The following KRT35 variants were observed in gnomAD, a reference collection of about 807,000 sequenced individuals.
KRT35 encodes keratin 35, also known as keratin, type I cuticular Ha5.
In KRT35, 33 loss-of-function variants were observed where a neutral mutation model predicts 42.2. The ratio of observed to expected loss-of-function variants is 0.78; its 90% CI spans 0.59 to 1.05. The LOEUF is 1.05. KRT35 is among the 50% of genes least tolerant of loss of function. The pLI is 0.00. For missense variants in KRT35, 585 were observed against 589.2 expected (o/e 0.99, Z 0.07); for synonymous variants, 218 against 238.2 (o/e 0.92, Z 0.78).
chr17:41,479,084 AC>A, intron 3 of KRT35, 89 bp from the exon 4 acceptor site: 1 of 1,331,526 alleles, frequency 7.5e-7, no homozygotes, highest in Non-Finnish European at 1.0e-6. Context: ...CCCCATGCTC[AC>A]CCCTCCTAAT....
chr17:41,480,145 C>T (rs531869920), intron 1 of KRT35, among the ~76,000 whole-genome samples: 1 of 152,172 alleles, frequency 6.6e-6, no homozygotes, highest in East Asian at 1.9e-4. Context: ...CATAAATGGT[C>T]CCTCACAGGA....
Position 41,480,920 on chromosome 17 carries a change from TGCTTCTGCCCAGACCCACTGAG to T in KRT35, c.156_177del (p.Cys52Ter). On this transcript the variant is annotated frameshift_variant, in exon 1 of 7. Coordinates refer to ENST00000246639, the MANE Select transcript of KRT35 (RefSeq NM_002280.6). LOFTEE classifies it high-confidence loss of function. ...GGGAGGCAGCTGGTGGCCCTGTAGCTGCTTCTGCCCAGACCCACTGAGCAGGCAGAGAAACTTCTGGCCACAG... is the reference window on the plus strand; with the variant it reads ...GGGAGGCAGCTGGTGGCCCTGTAGCTCAGGCAGAGAAACTTCTGGCCACAG... 6.2e-7 allele frequency: 1 copy of T among 1,614,200 alleles called. No individual in the cohort carries two copies. Among genetic ancestry groups the T allele is most frequent in the Non-Finnish European group, 8.5e-7 (1 of 1,180,036 alleles).
Position 41,477,544 on chromosome 17 carries a change from C to T in KRT35, c.1194G>A (p.Arg398=), listed in dbSNP as rs1441518861. The T allele has an allele frequency of 1.2e-6, 2 of 1,613,558 alleles. No individual in the cohort carries two copies. Among genetic ancestry groups the T allele is most frequent in the African/African-American group, 2.7e-5 (2 of 74,910 alleles). The change falls in exon 6 of 7, where the codon CGG becomes CGA. Residue 398 remains arginine, a synonymous_variant. Coordinates refer to ENST00000246639, the MANE Select transcript of KRT35 (RefSeq NM_002280.6). ...TGCTGTCCTCACTCTCCAGCAGGCCCCGGTACGTGTTGATCTCACACTCCA... is the reference window on the plus strand; with the variant it reads ...TGCTGTCCTCACTCTCCAGCAGGCCTCGGTACGTGTTGATCTCACACTCCA... The part of the protein sequence containing the change: ...ARLECEINTY[R]GLLESEDSKL...
At chr17:41,478,019 G>GATCTAATT (rs2019202655) in intron 5 of KRT35, among the ~76,000 whole-genome samples, 1 of 152,218 alleles carries the variant, frequency 6.6e-6, no homozygotes, top group African/African-American at 2.4e-5. Context: ...CATCTCACTT[G>GATCTAATT]AGATGAGCTA....
At chr17:41,479,601 A>C (rs2019227328) in intron 2 of KRT35, 98 bp from the exon 3 acceptor site, 1 of 1,564,878 alleles carries the variant, frequency 6.4e-7, no homozygotes, top group African/African-American at 1.3e-5. Flanking sequence ...TCCTGCTTTT[A>C]TGCCCCAATG....
In KRT35 at chr17:41,479,471, AC is replaced by A; in HGVS notation, c.586del (p.Val196TrpfsTer15). ...GCGCAGGCCGTTGATGTCTGACTCC[AC>A]CAGCTGCCGCAGGGACACCTCCGTC... ...YETEVSLRQL[V>X]ESDINGLRRI... On this transcript the variant is annotated frameshift_variant, in exon 3 of 7. Transcript: ENST00000246639. LOFTEE classifies it high-confidence loss of function. 1 of 1,614,118 alleles carries A rather than the reference AC, an allele frequency of 6.2e-7. No individual in the cohort carries two copies. The highest frequency in any genetic ancestry group is 8.5e-7 in the Non-Finnish European group (1 of 1,180,020).
At position 41,477,565 on chromosome 17, in the gene KRT35, C is replaced by T; in HGVS notation, c.1173G>A (p.Glu391=). 1.2e-6 allele frequency: 2 copies of T among 1,613,614 alleles called. No homozygotes were observed. Among genetic ancestry groups the T allele is most frequent in the Non-Finnish European group, 1.7e-6 (2 of 1,179,924 alleles). ...QVLLDVRARL[E]CEINTYRGLL... ...GGCCCCGGTACGTGTTGATCTCACA[C>T]TCCAGCCGGGCCCGGACGTCCAGCA... Residue 391 remains glutamate (E), a synonymous_variant, in exon 6 of 7, where the codon GAG becomes GAA. Transcript: ENST00000246639.
In KRT35 at chr17:41,479,694, C is replaced by T. The variant is rs779937253; in HGVS notation, c.554+5G>A. 8 of 1,612,108 alleles carry T rather than the reference C, an allele frequency of 5.0e-6. No individual in the cohort carries two copies. The highest frequency in any genetic ancestry group is 4.4e-5 in the South Asian group (4 of 91,008). On this transcript the variant is annotated splice_donor_5th_base_variant and intron_variant, in intron 2 of 6. Transcript: ENST00000246639. ...CCCAACCACATGACAAGCAGGACAA[C>T]TCACTTGGTCCTGAAGTCATCTGCA...
Position 41,480,945 on chromosome 17 carries a change from G to T in KRT35, c.153C>A (p.Ala51=), listed in dbSNP as rs1342495619. ...SLSPVARSFS[A]CSVGLGRSSY... ...TGCTTCTGCCCAGACCCACTGAGCAGGCAGAGAAACTTCTGGCCACAGGGG... is the reference window on the plus strand; with the variant it reads ...TGCTTCTGCCCAGACCCACTGAGCATGCAGAGAAACTTCTGGCCACAGGGG... The change falls in exon 1 of 7, where the codon GCC becomes GCA. Residue 51 remains alanine (A), a synonymous_variant. Transcript: ENST00000246639. 6.2e-7 allele frequency: 1 copy of T among 1,614,194 alleles called. No individual in the cohort carries two copies. The highest frequency in any genetic ancestry group is 8.5e-7 in the Non-Finnish European group (1 of 1,180,044).
In KRT35 at chr17:41,479,051, C is replaced by T. The variant is rs115721956; in HGVS notation, c.712-56G>A. On this transcript the variant is annotated intron_variant, in intron 3 of 6. Transcript: ENST00000246639. ...CCCAGAGGGCTGCCTCCAAGGTTCA[C>T]CTCCTCCTCATGTTCACCTCCTCCC... 8.5e-6 allele frequency: 13 copies of T among 1,530,804 alleles called. No homozygotes were observed. In the African/African-American group the frequency reaches 1.5e-4, roughly 18 times the overall value. 94.8% of individuals were successfully genotyped at this position (1,530,804 alleles called of 1,614,324 possible). A position where few individuals can be genotyped will look rare whatever the true frequency, so the allele number is the denominator to read the frequency against.
chr17:41,478,410 C>T lies in KRT35; in HGVS notation c.950G>A (p.Arg317Lys). 3 of 1,614,118 alleles carry T rather than the reference C, an allele frequency of 1.9e-6. No individual in the cohort carries two copies. The highest frequency in any genetic ancestry group is 2.5e-6 in the Non-Finnish European group (3 of 1,179,990). The change falls in exon 5 of 7, where the codon AGA becomes AAA. Residue 317 changes from arginine (R) to lysine (K), a missense_variant. Arg to Lys is a conservative substitution (Grantham distance 26). Coordinates refer to ENST00000246639, the MANE Select transcript of KRT35 (RefSeq NM_002280.6). ...AATCTCCAGGGCGTTGACCGTGCGT[C>T]TCAGCTCGATGATCTCTGCCTGGCA... The part of the protein sequence containing the change: ...QSCQAEIIEL[R>K]RTVNALEIEL...
At chr17:41,477,944 G>A (rs886894930) in intron 5 of KRT35, among the ~76,000 whole-genome samples, 2 of 152,204 alleles carry the variant, frequency 1.3e-5, no homozygotes, top group African/African-American at 4.8e-5. Flanking sequence ...TCTCAGTGAG[G>A]CCTCAGAATC....
intron 3 of KRT35, 122 bp downstream of exon 3, chr17:41,479,225 T>G: frequency 1.7e-6 from 2 of 1,159,382 alleles, no homozygotes; most frequent in Non-Finnish European, 2.4e-6. Flanking sequence ...TATGCACACC[T>G]GCTCCCTCAT....
chr17:41,477,174 T>C lies in KRT35; in HGVS notation c.1250A>G (p.Tyr417Cys). ...KLPCNPCAPD[Y>C]SPSKSCLPCL... The stretch of plus-strand genomic sequence containing the variant: ...GGGAAGGCATGACTTGGAGGGTGAG[T>C]AGTCAGGTGCACATGGGTTACAGGG... Residue 417 changes from tyrosine to cysteine, a missense_variant, in exon 7 of 7, where the codon TAC becomes TGC. By Grantham distance (194) the Tyr-to-Cys change is radical (BLOSUM62 -2). Transcript: ENST00000246639. The C allele has an allele frequency of 6.2e-7, 1 of 1,613,470 alleles. No individual in the cohort carries two copies. Among genetic ancestry groups the C allele is most frequent in the Admixed American group, 1.7e-5 (1 of 59,902 alleles).
In KRT35 at chr17:41,478,851, C is replaced by T. The variant is rs917462583; in HGVS notation, c.856G>A (p.Asp286Asn). The change falls in exon 4 of 7, where the codon GAC becomes AAC. Residue 286 changes from aspartate to asparagine, a missense_variant. Coordinates refer to ENST00000246639, the MANE Select transcript of KRT35 (RefSeq NM_002280.6). ...GTACCTACCTGGGTGTCCAACCAGT[C>T]TTCAGCATCCCGGCGGTTATTCTCC... The part of the protein sequence containing the change: ...LVENNRRDAE[D>N]WLDTQSEELN... 12 of 1,613,566 alleles carry T rather than the reference C, an allele frequency of 7.4e-6. No homozygotes were observed. The highest frequency in any genetic ancestry group is 1.0e-5 in the Non-Finnish European group (12 of 1,179,660).
chr17:41,477,258 C>G, intron 6 of KRT35, 55 bp from the exon 7 acceptor site: 1 of 1,583,694 alleles, frequency 6.3e-7, no homozygotes. Flanking sequence ...TGCAGTAACT[C>G]AAAGTAGATC....
chr17:41,477,273 A>C, intron 6 of KRT35, 70 bp from the exon 7 acceptor site: 1 of 1,549,098 alleles, frequency 6.5e-7, no homozygotes. Flanking sequence ...TAGATCCTAG[A>C]CTATGCAAAC....
chr17:41,477,542 C>T lies in KRT35; in HGVS notation c.1196G>A (p.Gly399Asp), dbSNP rs761184054. Residue 399 changes from glycine (G) to aspartate (D), a missense_variant, in exon 6 of 7, where the codon GGC becomes GAC. Gly to Asp is a moderately conservative substitution (Grantham distance 94). Transcript: ENST00000246639. The part of the protein sequence containing the change: ...RLECEINTYR[G>D]LLESEDSKLP... ...CTTGCTGTCCTCACTCTCCAGCAGG[C>T]CCCGGTACGTGTTGATCTCACACTC... 3.1e-6 allele frequency: 5 copies of T among 1,613,586 alleles called. No individual in the cohort carries two copies. In the South Asian group the frequency reaches 5.5e-5, roughly 18 times the overall value.
chr17:41,478,735 A>T (rs1293463256), intron 4 of KRT35, 99 bp downstream of exon 4: 2 of 1,289,458 alleles, frequency 1.6e-6, no homozygotes, highest in Non-Finnish European at 2.2e-6. Flanking sequence ...CAAAACAGAG[A>T]TGGGACTCAA....
Sources: allele counts gnomAD v4.1 joint callset (sites outside exome capture counted in the v4.1 genomes callset), GRCh38; gene constraint gnomAD v4.1.1; transcripts MANE v1.5; gene names NCBI Gene and HGNC (gene_info 2026-07-23, HGNC 2026-07-21).